DOCK8: variants seen among roughly 807,000 people sequenced by gnomAD.
DOCK8 encodes dedicator of cytokinesis 8, also known as dedicator of cytokinesis protein 8.
A neutral mutation model predicts 245.6 loss-of-function variants in DOCK8; 141 were observed. The observed-to-expected ratio is 0.57, with a 90% CI of 0.50 to 0.66. DOCK8 has a LOEUF of 0.66. Among genes scored for constraint, DOCK8 ranks in the 30% least tolerant of loss-of-function variants. DOCK8 has a pLI of 0.00. For missense variants in DOCK8, 2,965 were observed against 2,603.4 expected, an observed-to-expected ratio of 1.14 and a Z score of -3.02; for synonymous variants, 1,168 against 970.2, an observed-to-expected ratio of 1.20 and a Z score of -3.79.
intron 33 of DOCK8, among the ~76,000 whole-genome samples, chr9:425,726 T>C (rs1484122020): frequency 3.5e-5 from 5 of 144,186 alleles, no homozygotes; most frequent in Non-Finnish European, 1.5e-5. Context: ...CACTGCACTC[T>C]AGCCTGGGTG....
At chr9:304,086 A>T (rs544169367) in intron 4 of DOCK8, among the ~76,000 whole-genome samples, 29 of 152,300 alleles carry the variant, frequency 1.9e-4, no homozygotes, top group African/African-American at 7.0e-4. Context: ...TAGAGTGGAG[A>T]TTGAGGATGT....
intron 34 of DOCK8, among the ~76,000 whole-genome samples, chr9:427,985 C>T (rs1376191192): frequency 6.6e-6 from 1 of 152,164 alleles, no homozygotes; most frequent in Non-Finnish European, 1.5e-5. Context: ...AGAAACATTG[C>T]TGCCACCAAG....
chr9:292,578 G>A (rs1479066616), intron 4 of DOCK8, among the ~76,000 whole-genome samples: 1 of 149,806 alleles, frequency 6.7e-6, no homozygotes, highest in Admixed American at 6.7e-5. Context: ...TATTTTTCCT[G>A]GTGCTCTGCT....
At position 441,947 on chromosome 9, in the gene DOCK8, C is replaced by T; in HGVS notation, c.5428C>T (p.Gln1810Ter). 3 of 1,614,082 alleles carry T rather than the reference C, an allele frequency of 1.9e-6. No homozygotes were observed. The highest frequency in any genetic ancestry group is 2.5e-6 in the Non-Finnish European group (3 of 1,180,020). The change falls in exon 42 of 48, where the codon CAG becomes TAG. Residue 1810 changes from glutamine to a stop codon, truncating the protein, a stop_gained. Coordinates refer to ENST00000432829, the MANE Select transcript of DOCK8 (RefSeq NM_203447.4). LOFTEE classifies it high-confidence loss of function. ...FGSKFGDLDE[Q>*]EFVYKEPAIT... The stretch of plus-strand genomic sequence containing the variant: ...ATCCAAATTTGGGGATTTGGATGAA[C>T]AGGAGTTTGTCTACAAAGAGCCTGC...
At chr9:366,236 G>A (rs1175600659) in intron 14 of DOCK8, 1 of 153,008 alleles carries the variant, frequency 6.5e-6, no homozygotes, top group Non-Finnish European at 1.5e-5. Flanking sequence ...ATTGAGTATT[G>A]TCACATATCA....
intron 23 of DOCK8, 36 bp from the exon 24 acceptor site, chr9:390,435 T>A: frequency 6.3e-7 from 1 of 1,583,980 alleles, no homozygotes; most frequent in South Asian, 1.1e-5. Context: ...ATAATAGCCT[T>A]TGTTTCACAG....
chr9:305,080 G>T (rs1246543158), intron 5 of DOCK8, among the ~76,000 whole-genome samples: 1 of 152,088 alleles, frequency 6.6e-6, no homozygotes, highest in Admixed American at 6.5e-5. Flanking sequence ...ATTCTACCAT[G>T]TACTAACTCT....
chr9:444,625 G>T (rs1214066755), intron 43 of DOCK8, among the ~76,000 whole-genome samples: 2 of 152,132 alleles, frequency 1.3e-5, no homozygotes, highest in African/African-American at 4.8e-5. Context: ...GTCTCCAGAG[G>T]TCATCCAGTT....
At chr9:311,473 G>A (rs1479925809) in intron 5 of DOCK8, among the ~76,000 whole-genome samples, 3 of 146,032 alleles carry the variant, frequency 2.1e-5, no homozygotes, top group Non-Finnish European at 4.5e-5. Context: ...GGCTAGTCTT[G>A]AACTCCCGGC....
intron 1 of DOCK8, among the ~76,000 whole-genome samples, chr9:262,980 G>A (rs2047953445): frequency 6.6e-6 from 1 of 152,212 alleles, no homozygotes; most frequent in South Asian, 2.1e-4. Context: ...GCCGAGGCGG[G>A]TGGATCACCT....
At chr9:459,515 T>G (rs931688123) in intron 46 of DOCK8, among the ~76,000 whole-genome samples, 1 of 152,202 alleles carries the variant, frequency 6.6e-6, no homozygotes, top group Non-Finnish European at 1.5e-5. Context: ...ATTATGCATG[T>G]GGTACATAAT....
chr9:431,002 A>G (rs765020277), intron 36 of DOCK8, among the ~76,000 whole-genome samples: 4 of 151,748 alleles, frequency 2.6e-5, no homozygotes, highest in Non-Finnish European at 5.9e-5. Flanking sequence ...CCCATGTAGT[A>G]ACTGGGATTA....
intron 33 of DOCK8, among the ~76,000 whole-genome samples, chr9:426,683 A>G (rs1396262359): frequency 6.6e-6 from 1 of 152,234 alleles, no homozygotes; most frequent in African/African-American, 2.4e-5. Context: ...GATGACCAGG[A>G]AACCTTACCT....
intron 16 of DOCK8, among the ~76,000 whole-genome samples, chr9:370,865 C>T (rs536647177): frequency 3.3e-5 from 5 of 152,282 alleles, no homozygotes; most frequent in African/African-American, 1.2e-4. Context: ...TAATTAAGTC[C>T]TTCATTTAAG....
chr9:256,343 G>A (rs985858436), intron 1 of DOCK8, among the ~76,000 whole-genome samples: 1 of 152,182 alleles, frequency 6.6e-6, no homozygotes, highest in African/African-American at 2.4e-5. Flanking sequence ...AGAAAATCCT[G>A]CAAGAGGCAG....
At chr9:272,423 C>T (rs1452058363) in intron 2 of DOCK8, among the ~76,000 whole-genome samples, 1 of 152,134 alleles carries the variant, frequency 6.6e-6, no homozygotes, top group African/African-American at 2.4e-5. Context: ...CAGTCTGTCA[C>T]CCAGCCTGGA....
intron 24 of DOCK8, among the ~76,000 whole-genome samples, chr9:394,981 T>C (rs1373928313): frequency 6.6e-6 from 1 of 152,210 alleles, no homozygotes; most frequent in Non-Finnish European, 1.5e-5. Flanking sequence ...CAGTGAGTTC[T>C]GAAAGCCTTA....
chr9:387,299 C>T (rs999664300), intron 23 of DOCK8, among the ~76,000 whole-genome samples: 2 of 151,956 alleles, frequency 1.3e-5, no homozygotes, highest in African/African-American at 4.8e-5. Context: ...AAAAACTAGC[C>T]GGGCATGATG....
chr9:237,302 C>T (rs2047275566), intron 1 of DOCK8, among the ~76,000 whole-genome samples: 2 of 152,192 alleles, frequency 1.3e-5, no homozygotes, highest in South Asian at 4.1e-4. Flanking sequence ...ATACAAGGTG[C>T]CATTGTCCTA....
Sources: gnomAD v4.1 joint callset for allele counts (sites outside exome capture counted in the v4.1 genomes callset) on GRCh38, gnomAD v4.1.1 for gene constraint, MANE v1.5 for transcripts, NCBI Gene and HGNC (gene_info 2026-07-23, HGNC 2026-07-21) for gene names.